Variants in LDLRAP1 observed in about 807,000 individuals in gnomAD.
LDLRAP1 encodes the protein low density lipoprotein receptor adaptor protein 1, also known as low density lipoprotein receptor adapter protein 1.
A neutral mutation model predicts 37.8 loss-of-function variants in LDLRAP1; 30 were observed. The ratio of observed to expected loss-of-function variants is 0.79; its 90% confidence interval spans 0.59 to 1.08. LDLRAP1 has a LOEUF of 1.08. Among genes scored for constraint, LDLRAP1 ranks in the 50% least tolerant of loss-of-function variants. LDLRAP1 has a pLI of 0.00. For missense variants in LDLRAP1, 375 were observed against 401.6 expected (o/e 0.93, Z 0.57); for synonymous variants, 156 against 169.8 (o/e 0.92, Z 0.63).
At chr1:25,562,949 C>T (rs547580031) in intron 5 of LDLRAP1, 121 bp from the exon 6 acceptor site, 1 of 1,005,694 alleles carries the variant, frequency 9.9e-7, no homozygotes. Context: ...TTCTTTCCTC[C>T]CGGCTGGAAA....
intron 1 of LDLRAP1, among the ~76,000 whole-genome samples, chr1:25,546,817 A>G (rs1461083725): frequency 7.1e-6 from 1 of 140,828 alleles, no homozygotes; most frequent in African/African-American, 3.3e-5. Context: ...AAACTTTCTT[A>G]TGGGTTTTTT....
At chr1:25,563,618 A>G in intron 6 of LDLRAP1, 43 bp from the exon 7 acceptor site, 1 of 1,610,450 alleles carries the variant, frequency 6.2e-7, no homozygotes, top group South Asian at 1.1e-5. Context: ...CCAGGAAGGA[A>G]GAGGCTGATC....
chr1:25,579,811 T>A, the LDLRAP1 span, among the ~76,000 whole-genome samples: 1 of 80,308 alleles, frequency 1.2e-5, no homozygotes, highest in African/African-American at 3.2e-5. Context: ...GTTTCACCAC[T>A]ACATTACCAC....
At chr1:25,549,781 A>G (rs994253055) in intron 1 of LDLRAP1, among the ~76,000 whole-genome samples, 4 of 152,112 alleles carry the variant, frequency 2.6e-5, no homozygotes, top group Admixed American at 1.3e-4. Flanking sequence ...AGCCCTACCA[A>G]TGGGCCTTCA....
At chr1:25,574,034 G>T in the LDLRAP1 span, among the ~76,000 whole-genome samples, 1 of 152,236 alleles carries the variant, frequency 6.6e-6, no homozygotes, top group Non-Finnish European at 1.5e-5. Flanking sequence ...GGGAAGGGGA[G>T]TGGCCTGGCC....
chr1:25,549,586 G>A (rs542491993), intron 1 of LDLRAP1, among the ~76,000 whole-genome samples: 2 of 152,334 alleles, frequency 1.3e-5, no homozygotes, highest in Admixed American at 6.5e-5. Flanking sequence ...AAATTGCAAC[G>A]TTAAAATAGC....
In LDLRAP1 at chr1:25,555,759, C is replaced by T. The variant is rs2044182920; in HGVS notation, c.344+787C>T. ...GGGGGTCTGGCTGATGTCTTCCTCT[C>T]ACCGGCCTGATCATACCTGCCTTCC... On this transcript the variant is annotated intron_variant, in intron 3 of 8. Transcript: ENST00000374338. This position sits in a 1 kb window ranked among gnomAD's most constrained non-coding sequence, Gnocchi z 4.7. Among the ~76,000 whole-genome samples the T allele has an allele frequency of 6.6e-6, 1 of 152,188 alleles. No individual in the cohort carries two copies. The highest frequency in any genetic ancestry group is 6.5e-5 in the Admixed American group (1 of 15,282).
In LDLRAP1 at chr1:25,544,014, A is replaced by C. The variant is rs2043869327; in HGVS notation, c.88+228A>C. 6.6e-6 allele frequency among the ~76,000 whole-genome samples: 1 copy of C among 151,934 alleles called. No homozygotes were observed. The highest frequency in any genetic ancestry group is 1.5e-5 in the Non-Finnish European group (1 of 67,948). On this transcript the variant is annotated intron_variant, in intron 1 of 8. Coordinates refer to ENST00000374338, the MANE Select transcript of LDLRAP1 (RefSeq NM_015627.3). This position sits in a 1 kb window ranked among gnomAD's most constrained non-coding sequence, Gnocchi z 4.8. The stretch of plus-strand genomic sequence containing the variant: ...GCTGCGAGGAGGGGCAGCGCTGAGG[A>C]AGGAGCCCGAGCTCGGGGTCCTCAG...
intron 1 of LDLRAP1, among the ~76,000 whole-genome samples, chr1:25,549,749 GC>G (rs564562488): frequency 5.8e-4 from 67 of 114,768 alleles, no homozygotes; most frequent in African/African-American, 4.2e-3. Context: ...GGCGAGTAGG[GC>G]GGGTGGCGGG....
intron 8 of LDLRAP1, 41 bp downstream of exon 8, chr1:25,565,248 C>G (rs746806524): frequency 6.2e-7 from 1 of 1,611,062 alleles, no homozygotes; most frequent in African/African-American, 1.3e-5. Flanking sequence ...GCCTGGTGTG[C>G]GTGGGCTGGC....
the LDLRAP1 span, among the ~76,000 whole-genome samples, chr1:25,589,730 C>T: frequency 7.9e-5 from 12 of 152,306 alleles, no homozygotes; most frequent in Middle Eastern, 3.4e-3. Context: ...CCAAGGCTTT[C>T]CTGGCTGTCC....
rs1021208471 is a variant in LDLRAP1, at chr1:25,568,635, C to T, written c.*1643C>T. The T allele has an allele frequency of 6.6e-6, 1 of 152,280 alleles. No individual in the cohort carries two copies. The highest frequency in any genetic ancestry group is 2.4e-5 in the African/African-American group (1 of 41,472). The allele number at this position is 152,280 out of a possible 1,614,324, so 9.4% of individuals were successfully genotyped here. ...CCTTGCCCCTGCTCTGTAGCCACCTCCTTGGCACCGGCCTCTATTTGTCAT... is the reference window on the plus strand; with the variant it reads ...CCTTGCCCCTGCTCTGTAGCCACCTTCTTGGCACCGGCCTCTATTTGTCAT... On this transcript the variant is annotated 3_prime_UTR_variant, in exon 9 of 9. Transcript: ENST00000374338.
At chr1:25,552,756 G>A (rs2044101836) in intron 1 of LDLRAP1, among the ~76,000 whole-genome samples, 1 of 152,122 alleles carries the variant, frequency 6.6e-6, no homozygotes, top group Non-Finnish European at 1.5e-5. Flanking sequence ...TTGCCTCCAC[G>A]GGGCCCTCAC....
chr1:25,572,508 T>TGGAA (rs2044618976), downstream of LDLRAP1, among the ~76,000 whole-genome samples: 1 of 152,186 alleles, frequency 6.6e-6, no homozygotes, highest in Admixed American at 6.5e-5. Flanking sequence ...TCATGCTGTC[T>TGGAA]TCAAAGTGAG....
In LDLRAP1 at chr1:25,544,352, G is replaced by A. The variant is rs1178321671; in HGVS notation, c.88+566G>A. ...AGCCCGGGGTCGCAGGTACGTACTT[G>A]AAATTGGGAACGAGGCCCCGCCTGG... On this transcript the variant is annotated intron_variant, in intron 1 of 8. Coordinates refer to ENST00000374338, the MANE Select transcript of LDLRAP1 (RefSeq NM_015627.3). The surrounding 1 kb of genome is among the most constrained non-coding windows in gnomAD (Gnocchi z 4.8). 2.6e-5 allele frequency among the ~76,000 whole-genome samples: 4 copies of A among 152,208 alleles called. No homozygotes were observed. The highest frequency in any genetic ancestry group is 9.6e-5 in the African/African-American group (4 of 41,468).
At chr1:25,564,867 G>A (rs561491008) in intron 7 of LDLRAP1, 9 of 404,682 alleles carry the variant, frequency 2.2e-5, no homozygotes, top group South Asian at 9.2e-5. Context: ...GAGTTTCAAC[G>A]TGGAGCAGTG....
the LDLRAP1 span, among the ~76,000 whole-genome samples, chr1:25,585,285 C>T: frequency 2.6e-5 from 4 of 151,748 alleles, no homozygotes; most frequent in Admixed American, 1.3e-4. Flanking sequence ...CCTGAGAGCA[C>T]GCAGCAGGTG....
intron 4 of LDLRAP1, among the ~76,000 whole-genome samples, chr1:25,562,017 G>C (rs897098982): frequency 2.0e-5 from 3 of 152,120 alleles, no homozygotes; most frequent in Non-Finnish European, 4.4e-5. Context: ...CCGAGGTGTG[G>C]CCCTTCCTTA....
At chr1:25,585,233 A>G in the LDLRAP1 span, among the ~76,000 whole-genome samples, 1 of 152,340 alleles carries the variant, frequency 6.6e-6, no homozygotes, top group African/African-American at 2.4e-5. Flanking sequence ...TCTCTTTTGT[A>G]GATGGAGGTT....
Sources: gnomAD v4.1 joint callset for allele counts (sites outside exome capture counted in the v4.1 genomes callset) on GRCh38, gnomAD v4.1.1 for gene constraint, Gnocchi (gnomAD v3.1) non-coding constraint, MANE v1.5 for transcripts, NCBI Gene and HGNC (gene_info 2026-07-23, HGNC 2026-07-21) for gene names.